Variants in TRAPPC9 observed in about 807,000 individuals in gnomAD.
TRAPPC9 encodes the protein trafficking protein particle complex subunit 9.
In TRAPPC9, 83 loss-of-function variants were observed where a neutral mutation model predicts 124.0. The observed-to-expected ratio is 0.67, with a 90% CI of 0.56 to 0.80. TRAPPC9 has a LOEUF of 0.80. Among genes scored for constraint, TRAPPC9 ranks in the 30% least tolerant of loss-of-function variants. The pLI, the probability that TRAPPC9 is intolerant of heterozygous loss-of-function variation, is 0.00. For missense variants in TRAPPC9, 1,302 were observed against 1,508.3 expected, an observed-to-expected ratio of 0.86 and a Z score of 2.27; for synonymous variants, 638 against 617.5, an observed-to-expected ratio of 1.03 and a Z score of -0.49.
At chr8:139,864,694 G>A (rs936990353) in intron 21 of TRAPPC9, among the ~76,000 whole-genome samples, 3 of 148,506 alleles carry the variant, frequency 2.0e-5, no homozygotes, top group Non-Finnish European at 3.0e-5. Context: ...CATGCCGACC[G>A]CCAGCAAGCC....
chr8:140,192,215 G>A (rs1203315601), intron 17 of TRAPPC9, among the ~76,000 whole-genome samples: 3 of 152,334 alleles, frequency 2.0e-5, no homozygotes, highest in East Asian at 1.9e-4. Context: ...AGGCCAAGCA[G>A]GCTGAGTAAA....
chr8:139,857,544 C>CA (rs1192759980), intron 21 of TRAPPC9, among the ~76,000 whole-genome samples: 1 of 152,218 alleles, frequency 6.6e-6, no homozygotes, highest in East Asian at 1.9e-4. Flanking sequence ...CGTTCACTCT[C>CA]ACGGCTGCCA....
intron 17 of TRAPPC9, among the ~76,000 whole-genome samples, chr8:140,044,015 G>A (rs114578678): frequency 0.036 from 5,411 of 152,176 alleles, 301 homozygotes; most frequent in African/African-American, 0.12. Flanking sequence ...CATTCCTGCC[G>A]TACCTGGCAG....
At position 139,854,210 on chromosome 8, in the gene TRAPPC9, A is replaced by C. The variant is rs547725799; in HGVS notation, c.3055+31669T>G. Among the ~76,000 whole-genome samples the C allele has an allele frequency of 7.2e-5, 11 of 152,304 alleles. No homozygotes were observed. In the South Asian group the frequency reaches 2.3e-3, roughly 32 times the overall value. ...AAACCTCAGGAGGTCGAGTTCTTCC[A>C]CACTCTGGAATGTTTTCCACCCCCT... On this transcript the variant is annotated intron_variant, in intron 21 of 22. Coordinates refer to ENST00000438773, the MANE Select transcript of TRAPPC9 (RefSeq NM_001160372.4).
intron 5 of TRAPPC9, among the ~76,000 whole-genome samples, chr8:140,419,125 C>G (rs2070065605): frequency 6.6e-6 from 1 of 151,552 alleles, no homozygotes; most frequent in Non-Finnish European, 1.5e-5. Context: ...AACCCCGTCT[C>G]TACTAAAAAT....
intron 21 of TRAPPC9, among the ~76,000 whole-genome samples, chr8:139,796,842 C>T (rs1240897667): frequency 6.6e-6 from 1 of 152,230 alleles, no homozygotes; most frequent in Admixed American, 6.5e-5. Context: ...TCCAAAGTGG[C>T]TGCACTATTA....
chr8:139,997,777 G>A (rs1288412086), intron 18 of TRAPPC9, among the ~76,000 whole-genome samples: 56,614 of 80,552 alleles, frequency 0.7, 22,189 homozygotes, highest in East Asian at 0.9. Context: ...AGGGGAGACA[G>A]TGCATCCTAC....
At chr8:140,147,605 A>G (rs182713826) in intron 17 of TRAPPC9, among the ~76,000 whole-genome samples, 31 of 152,374 alleles carry the variant, frequency 2.0e-4, no homozygotes, top group Admixed American at 7.8e-4. Flanking sequence ...AGAACTTAGC[A>G]ACATGATTAC....
intron 18 of TRAPPC9, among the ~76,000 whole-genome samples, chr8:140,023,455 G>A (rs1839935046): frequency 6.6e-6 from 1 of 152,226 alleles, no homozygotes; most frequent in African/African-American, 2.4e-5. Context: ...TATGCGAAGG[G>A]CCTCCTGGGC....
At chr8:140,160,857 T>C (rs1404858577) in intron 17 of TRAPPC9, among the ~76,000 whole-genome samples, 2 of 152,044 alleles carry the variant, frequency 1.3e-5, no homozygotes, top group Non-Finnish European at 2.9e-5. Context: ...TTCTGCCCTA[T>C]TTAATAGTCA....
At chr8:140,100,077 C>T (rs1301951879) in intron 17 of TRAPPC9, 1 of 151,408 alleles carries the variant, frequency 6.6e-6, no homozygotes, top group African/African-American at 2.4e-5. Context: ...TATTGACGCC[C>T]ACCCGGGTCC....
chr8:140,456,262 T>C (rs765070486), intron 1 of TRAPPC9, among the ~76,000 whole-genome samples: 2 of 151,618 alleles, frequency 1.3e-5, no homozygotes, highest in African/African-American at 4.8e-5. Flanking sequence ...ACAAAAAAAA[T>C]GTAGCCGGGC....
intron 7 of TRAPPC9, among the ~76,000 whole-genome samples, chr8:140,378,468 G>A (rs2068512111): frequency 1.3e-5 from 2 of 152,142 alleles, no homozygotes. Flanking sequence ...TGGACTCCAA[G>A]TTCTTCATTT....
chr8:139,943,886 A>G (rs1834055222), intron 19 of TRAPPC9, among the ~76,000 whole-genome samples: 1 of 152,192 alleles, frequency 6.6e-6, no homozygotes, highest in African/African-American at 2.4e-5. Flanking sequence ...ATGAGCAGCT[A>G]GGAAAAAAAC....
chr8:140,256,529 AC>A (rs34455732), intron 15 of TRAPPC9, among the ~76,000 whole-genome samples: 9,640 of 151,814 alleles, frequency 0.063, 389 homozygotes, highest in Non-Finnish European at 0.09. Context: ...TCCACGCAGG[AC>A]CCCCGGGCAG....
intron 18 of TRAPPC9, among the ~76,000 whole-genome samples, chr8:140,006,964 C>T (rs549684392): frequency 7.9e-5 from 12 of 152,072 alleles, no homozygotes; most frequent in South Asian, 4.2e-4. Context: ...TTTAAGTGGG[C>T]GACTTATGTG....
At chr8:140,217,908 T>C (rs2063234587) in intron 17 of TRAPPC9, among the ~76,000 whole-genome samples, 1 of 151,872 alleles carries the variant, frequency 6.6e-6, no homozygotes, top group Non-Finnish European at 1.5e-5. Context: ...TCCCAGCTAC[T>C]GCAGAGGCTG....
At chr8:139,913,355 C>T (rs1831878539) in intron 19 of TRAPPC9, among the ~76,000 whole-genome samples, 1 of 152,228 alleles carries the variant, frequency 6.6e-6, no homozygotes, top group African/African-American at 2.4e-5. Flanking sequence ...AGCTCTGCTT[C>T]ATGTTACAGA....
chr8:140,048,142 G>T (rs1051224841), intron 17 of TRAPPC9, among the ~76,000 whole-genome samples: 4 of 152,264 alleles, frequency 2.6e-5, no homozygotes, highest in African/African-American at 9.6e-5. Context: ...GTCCATGCCA[G>T]CTCTGCACTA....
Sources: allele counts gnomAD v4.1 joint callset (sites outside exome capture counted in the v4.1 genomes callset), GRCh38; gene constraint gnomAD v4.1.1; transcripts MANE v1.5; gene names NCBI Gene and HGNC (gene_info 2026-07-23, HGNC 2026-07-21).